The following CLMP variants were observed in gnomAD, a reference collection of about 807,000 sequenced individuals.
The protein encoded by CLMP is CXADR like cell adhesion molecule, also known as CXADR-like membrane protein.
Under a neutral mutation model 45.2 loss-of-function variants are expected in CLMP, and 27 were observed. The ratio of observed to expected loss-of-function variants is 0.60; its 90% CI spans 0.44 to 0.82. The LOEUF (loss-of-function observed/expected upper bound fraction) is 0.82, where lower values mean the gene tolerates loss of function less well. Among genes scored for constraint, CLMP ranks in the 40% least tolerant of loss-of-function variants. CLMP has a pLI of 0.00. For synonymous variants in CLMP, 167 were observed against 171.4 expected, an observed-to-expected ratio of 0.97 and a Z score of 0.20; for missense variants, 403 against 448.4, an observed-to-expected ratio of 0.90 and a Z score of 0.91.
intron 1 of CLMP, among the ~76,000 whole-genome samples, chr11:123,189,916 C>A (rs538412019): frequency 7.8e-4 from 117 of 149,980 alleles, no homozygotes; most frequent in African/African-American, 2.7e-3. Context: ...GCAGGAGAAT[C>A]GCTTGAACTC....
chr11:123,082,930 C>T (rs535365309), intron 5 of CLMP, among the ~76,000 whole-genome samples, 155 bp downstream of exon 5: 1 of 152,196 alleles, frequency 6.6e-6, no homozygotes, highest in South Asian at 2.1e-4. Flanking sequence ...GTGGTCTTTG[C>T]AACTACTGAA....
intron 1 of CLMP, among the ~76,000 whole-genome samples, chr11:123,157,046 G>A (rs186402117): frequency 2.0e-5 from 3 of 152,278 alleles, no homozygotes; most frequent in Admixed American, 2.0e-4. Context: ...AAAAGCTTGG[G>A]GCCAATTTAT....
intron 2 of CLMP, among the ~76,000 whole-genome samples, chr11:123,091,242 C>T (rs908313388): frequency 6.6e-6 from 1 of 152,014 alleles, no homozygotes; most frequent in African/African-American, 2.4e-5. Flanking sequence ...GTAGCTGGGA[C>T]CACAGGCGCA....
intron 1 of CLMP, among the ~76,000 whole-genome samples, chr11:123,177,596 T>C (rs1861715922): frequency 6.6e-6 from 1 of 152,174 alleles, no homozygotes; most frequent in Non-Finnish European, 1.5e-5. Context: ...AACTACAAAG[T>C]TGTATGGGAA....
intron 6 of CLMP, among the ~76,000 whole-genome samples, chr11:123,074,361 T>C (rs1382315548): frequency 6.6e-6 from 1 of 151,910 alleles, no homozygotes; most frequent in Non-Finnish European, 1.5e-5. Flanking sequence ...TATTTTTCTT[T>C]TGTAAAGATG....
At chr11:123,138,596 C>A (rs1438576804) in intron 1 of CLMP, among the ~76,000 whole-genome samples, 4 of 97,558 alleles carry the variant, frequency 4.1e-5, no homozygotes, top group African/African-American at 1.6e-4. Flanking sequence ...CTCCCACCTG[C>A]CCCCCACCCC....
chr11:123,084,438 G>A lies in CLMP; in HGVS notation c.388+74C>T, dbSNP rs571448392. The A allele has an allele frequency of 7.0e-4, 851 of 1,215,190 alleles. 4 individuals carry two copies. The highest frequency in any genetic ancestry group is 9.6e-4 in the Non-Finnish European group (788 of 821,468). The allele number at this position is 1,215,190 out of a possible 1,614,324, so 75.3% of individuals were successfully genotyped here. A position where few individuals can be genotyped will look rare whatever the true frequency, so the allele number is the denominator to read the frequency against. ...ACTGAACATGATGTTTTGTACCACC[G>A]TGATGCATATGGCTATCCCTCTTAG... On this transcript the variant is annotated intron_variant, in intron 3 of 6. Coordinates refer to ENST00000448775, the MANE Select transcript of CLMP (RefSeq NM_024769.5).
chr11:123,172,607 A>G (rs11602910), intron 1 of CLMP, among the ~76,000 whole-genome samples: 89,704 of 151,912 alleles, frequency 0.59, 26,641 homozygotes, highest in African/African-American at 0.66. Flanking sequence ...TCGGCCTCCC[A>G]TGTAGCTGGG....
intron 1 of CLMP, chr11:123,135,909 C>T (rs11219013): frequency 0.21 from 109,174 of 520,768 alleles, 13,517 homozygotes; most frequent in African/African-American, 0.41. Flanking sequence ...TATGGGAGAA[C>T]ATTCACGTCC....
At chr11:123,194,704 A>T (rs61904439) in intron 1 of CLMP, among the ~76,000 whole-genome samples, 14,606 of 152,278 alleles carry the variant, frequency 0.096, 780 homozygotes, top group Middle Eastern at 0.14. Context: ...AAGCCTGTTC[A>T]AGGGCCCAGA....
chr11:123,139,103 C>T (rs1019099002), intron 1 of CLMP, among the ~76,000 whole-genome samples: 5 of 152,090 alleles, frequency 3.3e-5, no homozygotes, highest in Non-Finnish European at 7.4e-5. Context: ...TGGTGTATGG[C>T]GGCTTTCACA....
chr11:123,112,322 CTTTCTT>C (rs1286527428), intron 1 of CLMP, among the ~76,000 whole-genome samples: 7 of 150,310 alleles, frequency 4.7e-5, no homozygotes, highest in East Asian at 3.9e-4. Context: ...CAATTTCTTT[CTTTCTT>C]TTTCTTTTTC....
rs1565397421 is a variant in CLMP, at chr11:123,150,478, A to AGAAAGAAAGAAAGAAAGAAAGAAAGAAG, written c.28+44434_28+44435insCTTCTTTCTTTCTTTCTTTCTTTCTTTC. On this transcript the variant is annotated intron_variant, in intron 1 of 6. Transcript: ENST00000448775. ...AAGAAAGAAAGAAAGAAAGAAAGAA[A>AGAAAGAAAGAAAGAAAGAAAGAAAGAAG]GAAAGGAAGGAAGGAAGGAAGGAAG... Among the ~76,000 whole-genome samples, 60 of 103,750 alleles carry AGAAAGAAAGAAAGAAAGAAAGAAAGAAG rather than the reference A, an allele frequency of 5.8e-4. 1 individual carries two copies. Among genetic ancestry groups the AGAAAGAAAGAAAGAAAGAAAGAAAGAAG allele is most frequent in the African/African-American group, 2.0e-3 (55 of 27,192 alleles). 68.1% of individuals were successfully genotyped at this position (103,750 alleles called of 152,430 possible).
Position 123,123,646 on chromosome 11 carries a change from G to T in CLMP, c.29-25694C>A, listed in dbSNP as rs374504920. 2.8e-3 allele frequency among the ~76,000 whole-genome samples: 422 copies of T among 152,258 alleles called. 3 individuals carry two copies. The highest frequency in any genetic ancestry group is 9.6e-3 in the African/African-American group (399 of 41,546). On this transcript the variant is annotated intron_variant, in intron 1 of 6. Transcript: ENST00000448775. ...CAGATTTCCTTCACCATTAGTTCCT[G>T]TGTCAATCAGGGAACCCGCAATGAG...
chr11:123,160,215 G>T (rs1388216904), intron 1 of CLMP, among the ~76,000 whole-genome samples: 2 of 143,674 alleles, frequency 1.4e-5, no homozygotes, highest in Non-Finnish European at 3.0e-5. Flanking sequence ...GGGAGGCAAA[G>T]GTTGCAGTGA....
intron 2 of CLMP, among the ~76,000 whole-genome samples, chr11:123,095,748 G>T (rs1164339691): frequency 6.6e-6 from 1 of 152,132 alleles, no homozygotes. Flanking sequence ...AGATGAGGGG[G>T]TTTCTGATTG....
chr11:123,184,505 G>A lies in CLMP; in HGVS notation c.28+10408C>T, dbSNP rs76333875. Among the ~76,000 whole-genome samples the A allele has an allele frequency of 8.0e-3, 1,224 of 152,296 alleles. 7 individuals are homozygous for A. Among genetic ancestry groups the A allele is most frequent in the Non-Finnish European group, 0.013 (861 of 68,034 alleles). ...CCCAGGCAAGGTTAGTGATGAACAGGGTGAACCTGGCGAGGCGGAAGCAAA... is the reference window on the plus strand; with the variant it reads ...CCCAGGCAAGGTTAGTGATGAACAGAGTGAACCTGGCGAGGCGGAAGCAAA... On this transcript the variant is annotated intron_variant, in intron 1 of 6. Transcript: ENST00000448775.
intron 2 of CLMP, among the ~76,000 whole-genome samples, chr11:123,089,328 T>G (rs1264353816): frequency 1.3e-5 from 2 of 151,614 alleles, no homozygotes; most frequent in African/African-American, 4.9e-5. Context: ...AAGTTTGCAG[T>G]GAGCCGAGAT....
chr11:123,183,291 C>T lies in CLMP; in HGVS notation c.28+11622G>A, dbSNP rs543955668. Among the ~76,000 whole-genome samples, 10 of 152,118 alleles carry T rather than the reference C, an allele frequency of 6.6e-5. No individual in the cohort carries two copies. In the South Asian group the frequency reaches 8.3e-4, roughly 13 times the overall value. The stretch of plus-strand genomic sequence containing the variant: ...TGTTGCCCAGGCTAGAGTGCAGTGG[C>T]GGGATCTCGGCTCACTGCAACCTCC... On this transcript the variant is annotated intron_variant, in intron 1 of 6. Coordinates refer to ENST00000448775, the MANE Select transcript of CLMP (RefSeq NM_024769.5).
Sources: allele counts gnomAD v4.1 joint callset (sites outside exome capture counted in the v4.1 genomes callset), GRCh38; gene constraint gnomAD v4.1.1; transcripts MANE v1.5; gene names NCBI Gene and HGNC (gene_info 2026-07-23, HGNC 2026-07-21).